SLC36A4: variants seen among roughly 807,000 people sequenced by gnomAD.
SLC36A4 encodes the protein neutral amino acid uniporter 4.
Under a neutral mutation model 50.5 loss-of-function variants are expected in SLC36A4, and 49 were observed. That is an observed-to-expected ratio of 0.97 (90% CI 0.77 to 1.23). The LOEUF (loss-of-function observed/expected upper bound fraction) is 1.23. SLC36A4 is among the 50% of genes most tolerant of loss of function. The pLI, the probability that SLC36A4 is intolerant of heterozygous loss-of-function variation, is 0.00. For missense variants in SLC36A4, 611 were observed against 608.4 expected (o/e 1.00, Z -0.05); for synonymous variants, 207 against 206.5 (o/e 1.00, Z -0.02).
chr11:93,195,005 G>C (rs1862360795), intron 1 of SLC36A4, among the ~76,000 whole-genome samples: 1 of 151,930 alleles, frequency 6.6e-6, no homozygotes, highest in African/African-American at 2.4e-5. Context: ...CTATTGTCCG[G>C]AGCCCTCAGT....
In SLC36A4 at chr11:93,148,636, A is replaced by C; in HGVS notation, c.1416T>G (p.Val472=). ...TGGGAGTAGGATAAATAATTTCTTC[A>C]ACAGTTATATATGTACCTAATAAGA... ...VGFLLGTYIT[V]EEIIYPTPKV... is the part of the protein sequence containing the mutation. The change falls in exon 11 of 11, where the codon GTT becomes GTG. Residue 472 remains valine (V), a synonymous_variant. Coordinates refer to ENST00000326402, the MANE Select transcript of SLC36A4 (RefSeq NM_152313.4). 1 of 1,612,786 alleles carries C rather than the reference A, an allele frequency of 6.2e-7. No individual in the cohort carries two copies. The highest frequency in any genetic ancestry group is 1.1e-5 in the South Asian group (1 of 91,018).
intron 9 of SLC36A4, chr11:93,160,173 G>A: frequency 4.1e-6 from 4 of 985,344 alleles, no homozygotes; most frequent in Middle Eastern, 5.2e-4. Flanking sequence ...GTATTCCTCA[G>A]TTGTGACTAT....
chr11:93,156,364 T>C (rs1165712760), intron 9 of SLC36A4, among the ~76,000 whole-genome samples: 1 of 152,190 alleles, frequency 6.6e-6, no homozygotes, highest in Admixed American at 6.5e-5. Flanking sequence ...CATATGACTG[T>C]TGGCGGCATG....
chr11:93,185,669 AC>A (rs771730228), intron 2 of SLC36A4, 21 bp downstream of exon 2: 1 of 1,539,902 alleles, frequency 6.5e-7, no homozygotes, highest in Non-Finnish European at 8.7e-7. Flanking sequence ...AGAAAAGGAG[AC>A]TTATAAACCA....
At chr11:93,154,783 C>T (rs1013023758) in intron 9 of SLC36A4, 4 of 152,180 alleles carry the variant, frequency 2.6e-5, no homozygotes, top group Middle Eastern at 3.4e-3. Flanking sequence ...GACATCTAAA[C>T]GGTTTCAACT....
chr11:93,190,380 C>T (rs932724309), intron 1 of SLC36A4, among the ~76,000 whole-genome samples: 1 of 152,018 alleles, frequency 6.6e-6, no homozygotes, highest in African/African-American at 2.4e-5. Flanking sequence ...TTGAAATGTT[C>T]CCAACACACA....
intron 1 of SLC36A4, among the ~76,000 whole-genome samples, chr11:93,194,531 C>T (rs1862342452): frequency 6.6e-6 from 1 of 152,176 alleles, no homozygotes; most frequent in Non-Finnish European, 1.5e-5. Context: ...GAACCTGTAT[C>T]TTAACATCTC....
At chr11:93,196,495 T>G (rs1317785447) in intron 1 of SLC36A4, among the ~76,000 whole-genome samples, 1 of 151,862 alleles carries the variant, frequency 6.6e-6, no homozygotes, top group East Asian at 1.9e-4. Context: ...GCCACCCGAG[T>G]AGCTGGGACT....
At chr11:93,166,639 G>A (rs1040867580) in intron 7 of SLC36A4, 4 of 154,804 alleles carry the variant, frequency 2.6e-5, no homozygotes, top group South Asian at 2.1e-4. Flanking sequence ...CTCACCATCC[G>A]GACAAAGTAC....
rs1849953948 is a variant in SLC36A4 at position 93,145,502 on chromosome 11, CG to C, written c.*3034del. ...GGAAAAGAAGTCCCTCTGAAAAAAA[CG>C]TCTGAGAACCAGTGTTTTGACAAGT... On this transcript the variant is annotated 3_prime_UTR_variant, in exon 11 of 11. Transcript: ENST00000326402. 6.6e-6 allele frequency: 1 copy of C among 151,960 alleles called. No individual in the cohort carries two copies. The highest frequency in any genetic ancestry group is 6.6e-5 in the Admixed American group (1 of 15,230). 9.4% of individuals were successfully genotyped at this position (151,960 alleles called of 1,614,324 possible). A position where few individuals can be genotyped will look rare whatever the true frequency, so the allele number is the denominator to read the frequency against.
intron 6 of SLC36A4, among the ~76,000 whole-genome samples, chr11:93,178,009 G>A (rs572359098): frequency 4.6e-5 from 7 of 152,250 alleles, no homozygotes; most frequent in East Asian, 1.9e-4. Flanking sequence ...CTTGAGCTGC[G>A]GTGGGCTCCA....
At chr11:93,155,310 C>T (rs924300493) in intron 9 of SLC36A4, 8 of 152,248 alleles carry the variant, frequency 5.3e-5, no homozygotes, top group African/African-American at 1.9e-4. Flanking sequence ...TGTCCTCTTT[C>T]AGCAGAAACA....
At chr11:93,150,368 G>A (rs1194523182) in intron 10 of SLC36A4, among the ~76,000 whole-genome samples, 4 of 151,986 alleles carry the variant, frequency 2.6e-5, no homozygotes, top group African/African-American at 4.8e-5. Context: ...AATTTATGAC[G>A]TTTTATTTTT....
chr11:93,197,806 A>G lies in SLC36A4; in HGVS notation c.27T>C (p.Ala9=), dbSNP rs1862497267. Residue 9 remains alanine (A), a synonymous_variant, in exon 1 of 11, where the codon GCT becomes GCC. Transcript: ENST00000326402. MEAAATPA[A]AGAARREELD... ...GCTCCTCGCGCCTCGCCGCCCCGGC[A>G]GCCGCCGGCGTCGCCGCCGCTTCCA... The G allele has an allele frequency of 6.3e-7, 1 of 1,583,974 alleles. No homozygotes were observed. Among genetic ancestry groups the G allele is most frequent in the African/African-American group, 1.4e-5 (1 of 72,940 alleles).
chr11:93,161,506 G>A (rs894471793), intron 9 of SLC36A4, among the ~76,000 whole-genome samples: 29 of 152,142 alleles, frequency 1.9e-4, no homozygotes, highest in African/African-American at 6.0e-4. Flanking sequence ...ACTATCCTAG[G>A]TCCATTTGCT....
chr11:93,166,069 TA>T, intron 7 of SLC36A4, 53 bp from the exon 8 acceptor site: 1 of 1,401,812 alleles, frequency 7.1e-7, no homozygotes, highest in Non-Finnish European at 9.7e-7. Context: ...TTATTCTAAA[TA>T]ATTAAAAAAT....
chr11:93,150,881 G>T (rs2134625414), intron 10 of SLC36A4, among the ~76,000 whole-genome samples: 1 of 152,050 alleles, frequency 6.6e-6, no homozygotes, highest in African/African-American at 2.4e-5. Context: ...CACCTGAAGA[G>T]GCTTTCAATT....
intron 6 of SLC36A4, among the ~76,000 whole-genome samples, chr11:93,172,750 C>T (rs1400545146): frequency 7.7e-6 from 1 of 130,040 alleles, no homozygotes; most frequent in African/African-American, 2.9e-5. Context: ...CCAATTTCAT[C>T]CATGTCCCTA....
At chr11:93,160,730 A>C (rs1356766938) in intron 9 of SLC36A4, 1 of 983,916 alleles carries the variant, frequency 1.0e-6, no homozygotes, top group African/African-American at 1.7e-5. Flanking sequence ...TTTTGTAAAT[A>C]AGACCGGGAA....
Sources: gnomAD v4.1 joint callset for allele counts (sites outside exome capture counted in the v4.1 genomes callset) on GRCh38, gnomAD v4.1.1 for gene constraint, MANE v1.5 for transcripts, NCBI Gene and HGNC (gene_info 2026-07-23, HGNC 2026-07-21) for gene names.